Variants in STAT2 observed in about 807,000 individuals in gnomAD.
The protein encoded by STAT2 is signal transducer and activator of transcription 2.
STAT2 carries 51 observed loss-of-function variants against 122.3 expected under a neutral mutation model. The ratio of observed to expected loss-of-function variants is 0.42; its 90% CI spans 0.33 to 0.53. The LOEUF (loss-of-function observed/expected upper bound fraction) is 0.53, where lower values mean the gene tolerates loss of function less well. STAT2 is among the 20% of genes least tolerant of loss of function. STAT2 has a pLI of 0.10. For missense variants in STAT2, 736 were observed against 1,010.3 expected (o/e 0.73, Z 3.68); for synonymous variants, 351 against 394.9 (o/e 0.89, Z 1.32).
intron 6 of STAT2, 83 bp downstream of exon 6, chr12:56,355,193 A>G (rs1439502509): frequency 9.9e-6 from 15 of 1,513,096 alleles, no homozygotes; most frequent in Non-Finnish European, 1.3e-5. Flanking sequence ...ACTACTGCTC[A>G]TCGGAGCTTT....
At chr12:56,350,481 G>A in intron 11 of STAT2, 49 bp from the exon 12 acceptor site, 1 of 1,548,306 alleles carries the variant, frequency 6.5e-7, no homozygotes, top group East Asian at 2.2e-5. Flanking sequence ...GAGTATGGAA[G>A]TTAGGAGTTT....
chr12:56,357,625 G>A (rs990953044), intron 1 of STAT2, among the ~76,000 whole-genome samples: 2 of 152,000 alleles, frequency 1.3e-5, no homozygotes, highest in African/African-American at 4.8e-5. Flanking sequence ...GATTACAGGC[G>A]TGAGCCGCTG....
chr12:56,341,937 TAGAGAA>T lies in STAT2; in HGVS notation c.*1446_*1451del, dbSNP rs936475049. The T allele has an allele frequency of 3.3e-5, 5 of 152,126 alleles. No individual in the cohort carries two copies. Among genetic ancestry groups the T allele is most frequent in the African/African-American group, 1.2e-4 (5 of 41,424 alleles). The allele number at this position is 152,126 out of a possible 1,614,324, so 9.4% of individuals were successfully genotyped here. On this transcript the variant is annotated 3_prime_UTR_variant, in exon 24 of 24. Coordinates refer to ENST00000314128, the MANE Select transcript of STAT2 (RefSeq NM_005419.4). The stretch of plus-strand genomic sequence containing the variant: ...CAAAAAAGGGAGGATGATAACATAA[TAGAGAA>T]AGAGCTAAGACCCATTGCTTCTCCT...
At chr12:56,357,710 CTTTTTT>C (rs940388949) in intron 1 of STAT2, among the ~76,000 whole-genome samples, 1 of 130,148 alleles carries the variant, frequency 7.7e-6, no homozygotes. Context: ...AATTTTCTTT[CTTTTTT>C]TTTTTTTTTT....
At chr12:56,350,666 C>A (rs567183046) in intron 11 of STAT2, among the ~76,000 whole-genome samples, 163 bp downstream of exon 11, 2 of 152,244 alleles carry the variant, frequency 1.3e-5, no homozygotes, top group African/African-American at 4.8e-5. Context: ...TGACATGCTG[C>A]ATGTCACAAA....
chr12:56,343,638 T>A, intron 23 of STAT2, 107 bp from the exon 24 acceptor site: 2 of 1,522,152 alleles, frequency 1.3e-6, no homozygotes, highest in Non-Finnish European at 1.8e-6. Flanking sequence ...AGAGCCTGAG[T>A]GGGAACTTGT....
chr12:56,345,524 A>AAAAAATATATATATATATATATATAT (rs1555169410), intron 22 of STAT2, among the ~76,000 whole-genome samples: 3 of 26,228 alleles, frequency 1.1e-4, no homozygotes, highest in Non-Finnish European at 1.1e-4. Context: ...AAAAAAAAAA[A>AAAAAATATATATATATATATATATAT]ATATATATAT....
At chr12:56,350,767 G>A (rs376966685) in intron 11 of STAT2, 62 bp downstream of exon 11, 6 of 1,568,144 alleles carry the variant, frequency 3.8e-6, no homozygotes, top group Admixed American at 3.3e-5. Flanking sequence ...GTTGTGAAGA[G>A]TGAGTATCTC....
rs549600837 is a variant in STAT2 at position 56,343,163 on chromosome 12, C to A, written c.*226G>T. ...CAGCACAGCAGGCAGCCTCCAGGAT[C>A]CTATTTAGACCTATGGCTCAGCATC... On this transcript the variant is annotated 3_prime_UTR_variant, in exon 24 of 24. Transcript: ENST00000314128. The A allele has an allele frequency of 3.8e-6, 2 of 529,982 alleles. No homozygotes were observed. The highest frequency in any genetic ancestry group is 7.0e-5 in the Admixed American group (2 of 28,494). The allele number at this position is 529,982 out of a possible 1,614,324, so 32.8% of individuals were successfully genotyped here.
chr12:56,359,809 C>A (rs553665360), intron 1 of STAT2, among the ~76,000 whole-genome samples: 1 of 152,260 alleles, frequency 6.6e-6, no homozygotes, highest in Admixed American at 6.5e-5. Context: ...AGATACCGAA[C>A]CAACATAACA....
chr12:56,343,803 A>G (rs758558899), intron 23 of STAT2, 22 bp downstream of exon 23: 3 of 1,612,124 alleles, frequency 1.9e-6, no homozygotes, highest in Non-Finnish European at 1.7e-6. Flanking sequence ...GCCATCTTCC[A>G]TAGCTCCATC....
chr12:56,343,166 A>G lies in STAT2; in HGVS notation c.*223T>C, dbSNP rs1033093086. On this transcript the variant is annotated 3_prime_UTR_variant, in exon 24 of 24. Coordinates refer to ENST00000314128, the MANE Select transcript of STAT2 (RefSeq NM_005419.4). ...CACAGCAGGCAGCCTCCAGGATCCT[A>G]TTTAGACCTATGGCTCAGCATCTGT... 2 of 559,780 alleles carry G rather than the reference A, an allele frequency of 3.6e-6. No individual in the cohort carries two copies. The highest frequency in any genetic ancestry group is 3.4e-5 in the Admixed American group (1 of 29,586). The allele number at this position is 559,780 out of a possible 1,614,324, so 34.7% of individuals were successfully genotyped here. A position where few individuals can be genotyped will look rare whatever the true frequency, so the allele number is the denominator to read the frequency against.
At position 56,344,035 on chromosome 12, in the gene STAT2, G is replaced by C. The variant is rs760026360; in HGVS notation, c.2203C>G (p.Leu735Val). ...LGLVPEPELS[L>V]DLEPLLKAGL... is the part of the protein sequence containing the mutation. Reference sequence around the variant, plus strand: ...GCCTTCAGCAGTGGCTCTAAGTCCAGGCTGAGCTCTGGCTCTGGCACCAGC... The same window carrying C: ...GCCTTCAGCAGTGGCTCTAAGTCCACGCTGAGCTCTGGCTCTGGCACCAGC... Residue 735 changes from leucine to valine, a missense_variant, in exon 23 of 24, where the codon CTG becomes GTG. Leu to Val is a conservative substitution (Grantham distance 32). Coordinates refer to ENST00000314128, the MANE Select transcript of STAT2 (RefSeq NM_005419.4). 2.5e-6 allele frequency: 4 copies of C among 1,613,238 alleles called. No homozygotes were observed. The highest frequency in any genetic ancestry group is 1.7e-4 in the Middle Eastern group (1 of 6,058).
chr12:56,346,161 A>G lies in STAT2; in HGVS notation c.2087T>C (p.Ile696Thr), dbSNP rs778758060. ...CATATCTCACCTATTAGAGACCACA[A>G]TGAGCCTGTGTTTCAGGTATTTCCT... is the stretch of plus-strand genomic sequence containing the variant. ...ERRKYLKHRL[I>T]VVSNRQVDEL... is the part of the protein sequence containing the mutation. The change falls in exon 22 of 24, where the codon ATT (isoleucine) becomes ACT (threonine). Residue 696 changes from isoleucine (I) to threonine (T), a missense_variant. Ile to Thr is a moderately conservative substitution (Grantham distance 89, BLOSUM62 -1). Transcript: ENST00000314128. 5 of 1,614,084 alleles carry G rather than the reference A, an allele frequency of 3.1e-6. No individual in the cohort carries two copies. Among genetic ancestry groups the G allele is most frequent in the Admixed American group, 1.7e-5 (1 of 60,010 alleles).
intron 19 of STAT2, among the ~76,000 whole-genome samples, 175 bp from the exon 20 acceptor site, chr12:56,347,130 T>C (rs570861841): frequency 4.6e-5 from 7 of 152,166 alleles, no homozygotes; most frequent in South Asian, 2.1e-4. Flanking sequence ...TTGCTGACAA[T>C]AGCCACCTTC....
chr12:56,348,894 G>A, intron 17 of STAT2, 30 bp downstream of exon 17: 1 of 1,613,434 alleles, frequency 6.2e-7, no homozygotes, highest in Non-Finnish European at 8.5e-7. Context: ...CTAAGGCTGG[G>A]GAAAGGCTGA....
At position 56,356,032 on chromosome 12, in the gene STAT2, G is replaced by T. The variant is rs184349826; in HGVS notation, c.285+100C>A. Reference sequence around the variant, plus strand: ...TCCTCCTTTCCCCACATTTGTTCCCGTCTCCCTTTCCACCTCCAGGTACTA... The same window carrying T: ...TCCTCCTTTCCCCACATTTGTTCCCTTCTCCCTTTCCACCTCCAGGTACTA... On this transcript the variant is annotated intron_variant, in intron 3 of 23. Transcript: ENST00000314128. 2.7e-6 allele frequency: 4 copies of T among 1,498,242 alleles called. No individual in the cohort carries two copies. In the African/African-American group the frequency reaches 5.6e-5, roughly 21 times the overall value. The allele number at this position is 1,498,242 out of a possible 1,614,324, so 92.8% of individuals were successfully genotyped here.
chr12:56,346,988 C>G, intron 19 of STAT2, 33 bp from the exon 20 acceptor site: 1 of 1,608,316 alleles, frequency 6.2e-7, no homozygotes, highest in African/African-American at 1.3e-5. Context: ...GAGACACCGC[C>G]CAACACCCTG....
At position 56,343,183 on chromosome 12, in the gene STAT2, A is replaced by C. The variant is rs1302686235; in HGVS notation, c.*206T>G. On this transcript the variant is annotated 3_prime_UTR_variant, in exon 24 of 24. Coordinates refer to ENST00000314128, the MANE Select transcript of STAT2 (RefSeq NM_005419.4). ...AGGATCCTATTTAGACCTATGGCTC[A>C]GCATCTGTTCTGATTCATTGTTGTC... 1.6e-6 allele frequency: 1 copy of C among 621,010 alleles called. No individual in the cohort carries two copies. Among genetic ancestry groups the C allele is most frequent in the East Asian group, 3.0e-5 (1 of 33,790 alleles). The allele number at this position is 621,010 out of a possible 1,614,324, so 38.5% of individuals were successfully genotyped here.
Sources: allele counts gnomAD v4.1 joint callset (sites outside exome capture counted in the v4.1 genomes callset), GRCh38; gene constraint gnomAD v4.1.1; transcripts MANE v1.5; gene names NCBI Gene and HGNC (gene_info 2026-07-23, HGNC 2026-07-21).